The following ARL15 variants were observed in gnomAD, a reference collection of about 807,000 sequenced individuals.
ARL15 encodes the protein ARF like GTPase 15, also known as ADP-ribosylation factor-like protein 15.
ARL15 carries 19 observed loss-of-function variants against 25.2 expected under a neutral mutation model. That is an observed-to-expected ratio of 0.75 (90% CI 0.53 to 1.10). ARL15 has a LOEUF of 1.10. Among genes scored for constraint, ARL15 ranks in the 50% least tolerant of loss-of-function variants. The pLI is 0.00. For synonymous variants in ARL15, 94 were observed against 86.8 expected (o/e 1.08, Z -0.46); for missense variants, 220 against 246.0 (o/e 0.89, Z 0.71).
At chr5:53,951,064 C>G (rs1032264028) in intron 4 of ARL15, among the ~76,000 whole-genome samples, 5 of 152,158 alleles carry the variant, frequency 3.3e-5, no homozygotes, top group Non-Finnish European at 1.5e-5. Flanking sequence ...AAAATCAAAA[C>G]AATATTAGCA....
At chr5:54,011,776 C>G (rs1030273934) in intron 4 of ARL15, among the ~76,000 whole-genome samples, 1 of 151,970 alleles carries the variant, frequency 6.6e-6, no homozygotes, top group African/African-American at 2.4e-5. Flanking sequence ...TTTGGGAAAC[C>G]GAGGCGGGCG....
chr5:54,033,381 T>C (rs1750057697), intron 4 of ARL15, among the ~76,000 whole-genome samples: 1 of 148,644 alleles, frequency 6.7e-6, no homozygotes, highest in Admixed American at 6.7e-5. Flanking sequence ...TCAAAATAAA[T>C]CACTTTAGTT....
rs370654720 is a variant in ARL15, at chr5:54,002,340, G to A, written c.462+110862C>T. 2.0e-5 allele frequency among the ~76,000 whole-genome samples: 3 copies of A among 152,346 alleles called. No individual in the cohort carries two copies. In the East Asian group the frequency reaches 5.8e-4, roughly 29 times the overall value. ...AGGCAATGGTTGAGAGGCAAAGGAA[G>A]TGACCTAGAGAGGGTATTGAGTAGT... On this transcript the variant is annotated intron_variant, in intron 4 of 4. Transcript: ENST00000504924.
At chr5:54,071,753 C>T (rs538046373) in intron 4 of ARL15, among the ~76,000 whole-genome samples, 6 of 151,690 alleles carry the variant, frequency 4.0e-5, no homozygotes, top group Admixed American at 2.0e-4. Context: ...GGGCAGATTA[C>T]GAGGTCAGGA....
chr5:54,160,294 T>C (rs1280665589), intron 2 of ARL15, among the ~76,000 whole-genome samples: 2 of 152,248 alleles, frequency 1.3e-5, no homozygotes, highest in Non-Finnish European at 2.9e-5. Context: ...GCTTAACACA[T>C]TTGAAGCTAA....
At chr5:54,089,319 T>G (rs1465385880) in intron 4 of ARL15, among the ~76,000 whole-genome samples, 7 of 152,192 alleles carry the variant, frequency 4.6e-5, no homozygotes, top group African/African-American at 1.7e-4. Context: ...GTTTCAGACA[T>G]TTCTTCTGTA....
intron 3 of ARL15, among the ~76,000 whole-genome samples, chr5:54,137,638 G>A (rs549003161): frequency 6.6e-6 from 1 of 152,258 alleles, no homozygotes; most frequent in East Asian, 1.9e-4. Flanking sequence ...AAATTGTGCA[G>A]GCTCTTACCT....
intron 4 of ARL15, among the ~76,000 whole-genome samples, chr5:53,903,996 T>TACCA (rs1167987711): frequency 2.0e-5 from 3 of 152,002 alleles, no homozygotes; most frequent in African/African-American, 7.3e-5. Flanking sequence ...GAAAAGAAAG[T>TACCA]ACCACAGCAA....
At chr5:53,965,481 G>C (rs1254291025) in intron 4 of ARL15, among the ~76,000 whole-genome samples, 1 of 152,118 alleles carries the variant, frequency 6.6e-6, no homozygotes, top group East Asian at 1.9e-4. Context: ...CTCTTTGTAA[G>C]ATTTCAAAAT....
At position 53,910,633 on chromosome 5, in the gene ARL15, TTATATATATATATA is replaced by T. The variant is rs70986649; in HGVS notation, c.463-23934_463-23921del. On this transcript the variant is annotated intron_variant, in intron 4 of 4. Coordinates refer to ENST00000504924, the MANE Select transcript of ARL15 (RefSeq NM_019087.3). Reference sequence around the variant, plus strand: ...GAACTTAAAGTATAATAAAAAAAAATTATATATATATATATATATATATATATATATATATATAT... The same window carrying T: ...GAACTTAAAGTATAATAAAAAAAAATTATATATATATATATATATATATAT... 1.4e-3 allele frequency among the ~76,000 whole-genome samples: 78 copies of T among 55,004 alleles called. 2 individuals carry two copies. The highest frequency in any genetic ancestry group is 2.4e-3 in the African/African-American group (32 of 13,528). 36.1% of individuals were successfully genotyped at this position (55,004 alleles called of 152,430 possible).
rs184588545 is a variant in ARL15, at chr5:54,010,231, T to A, written c.462+102971A>T. ...TTGCTAAACAATCCATGCATAGTAG[T>A]AACATTCACCTTACATTTAATAATT... On this transcript the variant is annotated intron_variant, in intron 4 of 4. Transcript: ENST00000504924. 1.1e-3 allele frequency among the ~76,000 whole-genome samples: 173 copies of A among 152,340 alleles called. 1 individual carries two copies. The highest frequency in any genetic ancestry group is 3.8e-3 in the African/African-American group (157 of 41,580).
intron 1 of ARL15, among the ~76,000 whole-genome samples, chr5:54,213,666 A>G (rs1326230363): frequency 1.3e-5 from 2 of 152,214 alleles, no homozygotes; most frequent in Non-Finnish European, 2.9e-5. Flanking sequence ...AAATGTTCCC[A>G]TATTTTTTTG....
chr5:53,933,505 C>A (rs1254696367), intron 4 of ARL15, among the ~76,000 whole-genome samples: 2 of 151,726 alleles, frequency 1.3e-5, no homozygotes, highest in Non-Finnish European at 2.9e-5. Context: ...ATTAGCCTGG[C>A]GTGGTGGTGG....
chr5:53,980,612 CT>C (rs1197036590), intron 4 of ARL15, among the ~76,000 whole-genome samples: 1 of 152,220 alleles, frequency 6.6e-6, no homozygotes, highest in Non-Finnish European at 1.5e-5. Flanking sequence ...CATTTGTTCA[CT>C]TTAATTTACT....
intron 3 of ARL15, among the ~76,000 whole-genome samples, chr5:54,134,193 GAATA>G (rs553287700): frequency 1.3e-5 from 2 of 152,320 alleles, no homozygotes; most frequent in Non-Finnish European, 2.9e-5. Context: ...GGTTCACTAA[GAATA>G]AATGTTTCTA....
intron 1 of ARL15, among the ~76,000 whole-genome samples, chr5:54,270,575 A>C (rs961727605): frequency 2.0e-5 from 3 of 152,214 alleles, no homozygotes; most frequent in African/African-American, 7.2e-5. Context: ...CACTTGCAAC[A>C]TGCCAGACAC....
chr5:54,239,414 A>C lies in ARL15; in HGVS notation c.49-67486T>G, dbSNP rs1459301046. On this transcript the variant is annotated intron_variant, in intron 1 of 4. Coordinates refer to ENST00000504924, the MANE Select transcript of ARL15 (RefSeq NM_019087.3). ...AGCTAAGATGATACACTTAAGACTT[A>C]CACGAGTAAAGAATCACCTCAAAGA... Among the ~76,000 whole-genome samples the C allele has an allele frequency of 2.0e-5, 3 of 152,200 alleles. No homozygotes were observed. In the East Asian group the frequency reaches 5.8e-4, roughly 29 times the overall value.
chr5:54,132,066 C>T (rs1753454810), intron 3 of ARL15, among the ~76,000 whole-genome samples: 1 of 151,912 alleles, frequency 6.6e-6, no homozygotes, highest in Admixed American at 6.6e-5. Flanking sequence ...TGATAAGAAA[C>T]AAAATTTAAA....
chr5:53,908,794 C>A (rs377103545), intron 4 of ARL15, among the ~76,000 whole-genome samples: 11 of 152,114 alleles, frequency 7.2e-5, no homozygotes, highest in African/African-American at 2.7e-4. Context: ...CCCTATTTGA[C>A]AAAAGATCAA....
Sources: gnomAD v4.1 joint callset for allele counts (sites outside exome capture counted in the v4.1 genomes callset) on GRCh38, gnomAD v4.1.1 for gene constraint, MANE v1.5 for transcripts, NCBI Gene and HGNC (gene_info 2026-07-23, HGNC 2026-07-21) for gene names.